The following MSH3 variants were observed in gnomAD, a reference collection of about 807,000 sequenced individuals.
MSH3 encodes the protein mutS homolog 3.
Under a neutral mutation model 123.3 loss-of-function variants are expected in MSH3, and 106 were observed. The observed-to-expected ratio is 0.86, with a 90% CI of 0.73 to 1.01. MSH3 has a LOEUF of 1.01. Among genes scored for constraint, MSH3 ranks in the 50% least tolerant of loss-of-function variants. The probability of loss-of-function intolerance (pLI) is 0.00; values close to 1 mark genes in which losing one functional copy is unlikely to be tolerated. For missense variants in MSH3, 1,459 were observed against 1,347.6 expected (o/e 1.08, Z -1.29); for synonymous variants, 515 against 481.4 (o/e 1.07, Z -0.91).
intron 20 of MSH3, among the ~76,000 whole-genome samples, chr5:80,820,782 A>G (rs1165574710): frequency 6.6e-6 from 1 of 152,238 alleles, no homozygotes; most frequent in African/African-American, 2.4e-5. Context: ...GGCAGGATAA[A>G]TTATTAATAC....
Position 80,733,127 on chromosome 5 carries a change from G to A in MSH3, c.1568+4162G>A, listed in dbSNP as rs372715359. 3.9e-5 allele frequency among the ~76,000 whole-genome samples: 6 copies of A among 152,236 alleles called. No individual in the cohort carries two copies. The East Asian group carries it at 9.6e-4, about 24-fold the overall frequency. Reference sequence around the variant, plus strand: ...ATTAAAAAAAGACAGTGTGGAATTGGCATAAGCACAGACATGTGATCAATG... The same window carrying A: ...ATTAAAAAAAGACAGTGTGGAATTGACATAAGCACAGACATGTGATCAATG... On this transcript the variant is annotated intron_variant, in intron 10 of 23. Coordinates refer to ENST00000265081, the MANE Select transcript of MSH3 (RefSeq NM_002439.5).
At chr5:80,731,338 G>A (rs1743408276) in intron 10 of MSH3, among the ~76,000 whole-genome samples, 1 of 152,122 alleles carries the variant, frequency 6.6e-6, no homozygotes, top group Non-Finnish European at 1.5e-5. Flanking sequence ...TGAACTTTTT[G>A]CATCTCATAA....
chr5:80,806,934 G>A (rs2112044651), intron 19 of MSH3, among the ~76,000 whole-genome samples: 1 of 152,168 alleles, frequency 6.6e-6, no homozygotes, highest in Middle Eastern at 3.4e-3. Flanking sequence ...TGGGTATGGA[G>A]GCTTACATCT....
chr5:80,817,242 G>C (rs988160749), intron 20 of MSH3, among the ~76,000 whole-genome samples: 13 of 152,170 alleles, frequency 8.5e-5, no homozygotes, highest in Non-Finnish European at 1.5e-4. Flanking sequence ...AAAAGTAGTG[G>C]TCAACAGTGC....
At chr5:80,676,158 G>A (rs896696804) in intron 7 of MSH3, among the ~76,000 whole-genome samples, 1 of 152,138 alleles carries the variant, frequency 6.6e-6, no homozygotes, top group African/African-American at 2.4e-5. Flanking sequence ...AGCCTCCCGA[G>A]TAGCTGGGAC....
intron 20 of MSH3, among the ~76,000 whole-genome samples, chr5:80,818,261 A>G (rs993795248): frequency 1.3e-5 from 2 of 152,102 alleles, no homozygotes; most frequent in African/African-American, 4.8e-5. Flanking sequence ...CTAGATCTAG[A>G]TACCAATTTA....
At chr5:80,703,368 G>C (rs1456360570) in intron 8 of MSH3, among the ~76,000 whole-genome samples, 4 of 152,196 alleles carry the variant, frequency 2.6e-5, no homozygotes, top group Non-Finnish European at 1.5e-5. Flanking sequence ...ATATCACAAA[G>C]TTTACTTGTG....
intron 12 of MSH3, among the ~76,000 whole-genome samples, chr5:80,754,967 G>A (rs571020058): frequency 1.4e-4 from 22 of 152,256 alleles, no homozygotes; most frequent in Admixed American, 6.5e-4. Flanking sequence ...GAACTACACC[G>A]GGAAGCCCTC....
At chr5:80,793,241 G>A (rs6151850) in intron 19 of MSH3, among the ~76,000 whole-genome samples, 50,324 of 152,096 alleles carry the variant, frequency 0.33, 8,787 homozygotes, top group South Asian at 0.42. Context: ...GCAGATTCCA[G>A]TGATGAGAAT....
chr5:80,848,729 A>T (rs911421256), intron 20 of MSH3, among the ~76,000 whole-genome samples: 1 of 152,220 alleles, frequency 6.6e-6, no homozygotes. Flanking sequence ...GTCATTTCCC[A>T]CTGGGTCCCT....
At chr5:80,872,419 A>C (rs1746232831) in intron 22 of MSH3, among the ~76,000 whole-genome samples, 1 of 152,214 alleles carries the variant, frequency 6.6e-6, no homozygotes, top group Non-Finnish European at 1.5e-5. Flanking sequence ...CAGTGAGCTG[A>C]GATTGCGCCA....
chr5:80,654,998 G>C, intron 1 of MSH3, 34 bp downstream of exon 1: 1 of 1,288,998 alleles, frequency 7.8e-7, no homozygotes, highest in African/African-American at 1.6e-5. Flanking sequence ...AGGGCCATCG[G>C]GGCTGGGGGG....
At chr5:80,700,840 G>A (rs148006004) in intron 8 of MSH3, among the ~76,000 whole-genome samples, 130 of 152,338 alleles carry the variant, frequency 8.5e-4, no homozygotes, top group African/African-American at 2.8e-3. Flanking sequence ...CAGCATTTGA[G>A]AAGTGTGGAG....
At chr5:80,716,892 G>A (rs533644986) in intron 8 of MSH3, among the ~76,000 whole-genome samples, 39 of 152,150 alleles carry the variant, frequency 2.6e-4, no homozygotes, top group African/African-American at 9.4e-4. Flanking sequence ...CAAAGCTCTG[G>A]TAACCATTAT....
intron 19 of MSH3, among the ~76,000 whole-genome samples, chr5:80,802,019 A>G (rs776859549): frequency 1.3e-5 from 2 of 152,230 alleles, no homozygotes; most frequent in African/African-American, 4.8e-5. Context: ...TATGCATTCA[A>G]TGAACAAATG....
chr5:80,830,365 TG>T (rs1320615019), intron 20 of MSH3, among the ~76,000 whole-genome samples: 1 of 152,234 alleles, frequency 6.6e-6, no homozygotes, highest in African/African-American at 2.4e-5. Flanking sequence ...TAGGAGCCAT[TG>T]TTTGCATTTT....
At chr5:80,780,800 G>A (rs909140573) in intron 17 of MSH3, among the ~76,000 whole-genome samples, 7 of 152,130 alleles carry the variant, frequency 4.6e-5, no homozygotes, top group South Asian at 2.1e-4. Context: ...CCGGGGAGGC[G>A]GAGGTTGCAG....
chr5:80,776,416 C>T (rs1744299912), intron 16 of MSH3, among the ~76,000 whole-genome samples: 1 of 152,168 alleles, frequency 6.6e-6, no homozygotes, highest in South Asian at 2.1e-4. Flanking sequence ...CTATGCCTGA[C>T]ATTTCTTTTA....
intron 8 of MSH3, among the ~76,000 whole-genome samples, chr5:80,688,395 C>A (rs1750141023): frequency 6.6e-6 from 1 of 152,118 alleles, no homozygotes; most frequent in African/African-American, 2.4e-5. Context: ...TGAGGTTTAA[C>A]CAAAAGTATT....
Sources: allele counts gnomAD v4.1 joint callset (sites outside exome capture counted in the v4.1 genomes callset), GRCh38; gene constraint gnomAD v4.1.1; transcripts MANE v1.5; gene names NCBI Gene and HGNC (gene_info 2026-07-23, HGNC 2026-07-21).